Variants in SMARCAD1 observed in about 807,000 individuals in gnomAD.
The protein encoded by SMARCAD1 is SNF2 related chromatin remodeling ATPase with DExD box 1, also known as SWI/SNF-related matrix-associated actin-dependent regulator of chromatin subfamily A containing DEAD/H box 1.
A neutral mutation model predicts 127.1 loss-of-function variants in SMARCAD1; 25 were observed. That is an observed-to-expected ratio of 0.20 (90% CI 0.14 to 0.27). The LOEUF (loss-of-function observed/expected upper bound fraction) is 0.27, where lower values mean the gene tolerates loss of function less well. SMARCAD1 is among the 10% of genes least tolerant of loss of function. The pLI is 1.00. For synonymous variants in SMARCAD1, 400 were observed against 396.9 expected, an observed-to-expected ratio of 1.01 and a Z score of -0.09; for missense variants, 807 against 1,206.0, an observed-to-expected ratio of 0.67 and a Z score of 4.90.
In SMARCAD1 at chr4:94,285,766, GAA is replaced by G. The variant is rs766457237; in HGVS notation, c.3019+699_3019+700del. ...GAAGCTTGGGGAGGTGGGCGGTAGA[GAA>G]AGTTTGAGTAAGAAGCAACTGAGAT... On this transcript the variant is annotated intron_variant, in intron 23 of 23. Transcript: ENST00000354268. Among the ~76,000 whole-genome samples the G allele has an allele frequency of 3.5e-4, 53 of 152,174 alleles. 1 individual carries two copies. Among genetic ancestry groups the G allele is most frequent in the South Asian group, 1.2e-3 (6 of 4,832 alleles).
chr4:94,222,365 C>CT (rs1479608350), intron 2 of SMARCAD1, among the ~76,000 whole-genome samples: 1 of 152,024 alleles, frequency 6.6e-6, no homozygotes, highest in African/African-American at 2.4e-5. Context: ...TAAGGAAAAA[C>CT]TCTTTGGGAC....
intron 17 of SMARCAD1, 32 bp from the exon 18 acceptor site, chr4:94,278,584 A>G: frequency 6.2e-7 from 1 of 1,612,228 alleles, no homozygotes; most frequent in Non-Finnish European, 8.5e-7. Flanking sequence ...CTTTACTAGA[A>G]TGATTATCTT....
Position 94,240,969 on chromosome 4 carries a change from A to G in SMARCAD1, c.668A>G (p.Asn223Ser), listed in dbSNP as rs1747490440. 1 of 1,613,060 alleles carries G rather than the reference A, an allele frequency of 6.2e-7. No homozygotes were observed. The highest frequency in any genetic ancestry group is 1.1e-5 in the South Asian group (1 of 91,058). Residue 223 changes from asparagine to serine, a missense_variant, in exon 6 of 24, where the codon AAT becomes AGT. Around this residue, in one of 8 missense-constraint regions of SMARCAD1, gnomAD observed 48 missense variants for 90.8 expected, o/e 0.53. Transcript: ENST00000354268. ...GAGCCATATGAGGAAGATGAATTTA[A>G]TGATGATCAATCTATAAAAAAGACA... ...SSEPYEEDEFNDDQSIKKTRL... is the reference protein window; with the variant it reads ...SSEPYEEDEFSDDQSIKKTRL...
At chr4:94,225,164 T>C (rs1272269180) in intron 2 of SMARCAD1, among the ~76,000 whole-genome samples, 2 of 152,236 alleles carry the variant, frequency 1.3e-5, no homozygotes, top group Admixed American at 1.3e-4. Flanking sequence ...CCAATCATAC[T>C]AGTTTTCTAG....
chr4:94,250,311 ATT>A (rs1228771988), intron 7 of SMARCAD1, among the ~76,000 whole-genome samples: 1 of 152,006 alleles, frequency 6.6e-6, no homozygotes, highest in African/African-American at 2.4e-5. Context: ...ACTTGCACTG[ATT>A]TATTTGAGTA....
chr4:94,223,734 A>ATTTTTTTTTTTTTT (rs944591007), intron 2 of SMARCAD1, among the ~76,000 whole-genome samples: 2 of 100,156 alleles, frequency 2.0e-5, no homozygotes, highest in African/African-American at 7.4e-5. Flanking sequence ...CTCCCGGCTA[A>ATTTTTTTTTTTTTT]TTTTTTTTTT....
At chr4:94,246,648 T>C (rs543891334) in intron 6 of SMARCAD1, among the ~76,000 whole-genome samples, 10 of 152,308 alleles carry the variant, frequency 6.6e-5, no homozygotes, top group Admixed American at 6.5e-5. Context: ...CACCCTGATA[T>C]GTGGCATGTA....
At chr4:94,250,261 A>G (rs1749089366) in intron 7 of SMARCAD1, among the ~76,000 whole-genome samples, 1 of 151,966 alleles carries the variant, frequency 6.6e-6, no homozygotes, top group South Asian at 2.1e-4. Context: ...ATGATCATAT[A>G]TAGAAGCACA....
chr4:94,252,383 A>G (rs572995889), intron 8 of SMARCAD1, among the ~76,000 whole-genome samples: 2 of 152,338 alleles, frequency 1.3e-5, no homozygotes, highest in Non-Finnish European at 2.9e-5. Context: ...GTTAGAAAAC[A>G]GAGATTTATA....
At position 94,270,801 on chromosome 4, in the gene SMARCAD1, A is replaced by G. The variant is rs780585922; in HGVS notation, c.1555A>G (p.Ile519Val). Residue 519 changes from isoleucine to valine, a missense_variant, in exon 11 of 24, where the codon ATT becomes GTT. By Grantham distance (29) the Ile-to-Val change is conservative. Around this residue, in one of 8 missense-constraint regions of SMARCAD1, gnomAD observed 148 missense variants for 313.2 expected, o/e 0.47. Coordinates refer to ENST00000354268, the MANE Select transcript of SMARCAD1 (RefSeq NM_020159.5). ...GGTACATAAACATGGACTTAATGGC[A>G]TTTTGGCAGATGAAATGGTAAGTGT... Reference protein sequence around the residue: ...ALVHKHGLNGILADEMGLGKT... With the variant: ...ALVHKHGLNGVLADEMGLGKT... 1 of 1,613,388 alleles carries G rather than the reference A, an allele frequency of 6.2e-7. No individual in the cohort carries two copies. The highest frequency in any genetic ancestry group is 8.5e-7 in the Non-Finnish European group (1 of 1,179,476).
intron 3 of SMARCAD1, among the ~76,000 whole-genome samples, chr4:94,233,309 G>T (rs1375393956): frequency 1.3e-5 from 2 of 152,136 alleles, no homozygotes; most frequent in African/African-American, 2.4e-5. Context: ...TTCAAAATGA[G>T]ATTTTTTTGT....
chr4:94,286,042 C>G (rs923630574), intron 23 of SMARCAD1, among the ~76,000 whole-genome samples: 1 of 152,102 alleles, frequency 6.6e-6, no homozygotes, highest in Admixed American at 6.5e-5. Context: ...GGATTTTATT[C>G]TAACAAGTTT....
chr4:94,208,492 C>G lies in SMARCAD1; in HGVS notation c.98C>G (p.Ser33Cys). Reference sequence around the variant, plus strand: ...CCTCAACCTTCCCAGCCTGGCCCTTCTTCACCAATTTCTCTTAGTGCTGAA... The same window carrying G: ...CCTCAACCTTCCCAGCCTGGCCCTTGTTCACCAATTTCTCTTAGTGCTGAA... ...ATPQPSQPGP[S>C]SPISLSAEEE... Residue 33 changes from serine to cysteine, a missense_variant, in exon 2 of 24, where the codon TCT (serine) becomes TGT (cysteine). This residue lies in a region of SMARCAD1 where 175 missense variants were observed against 169.5 expected (regional missense o/e 1.03). Coordinates refer to ENST00000354268, the MANE Select transcript of SMARCAD1 (RefSeq NM_020159.5). The G allele has an allele frequency of 6.2e-7, 1 of 1,614,124 alleles. No homozygotes were observed.
At chr4:94,257,984 C>A (rs1333529428) in intron 9 of SMARCAD1, among the ~76,000 whole-genome samples, 1 of 151,930 alleles carries the variant, frequency 6.6e-6, no homozygotes, top group Non-Finnish European at 1.5e-5. Flanking sequence ...TATGACTATG[C>A]AAATGCCTTT....
chr4:94,265,043 A>G (rs966291588), intron 10 of SMARCAD1, 137 bp downstream of exon 10: 6 of 744,642 alleles, frequency 8.1e-6, no homozygotes, highest in Admixed American at 2.4e-5. Flanking sequence ...GTAATGGCAC[A>G]TAAGTGGACT....
At chr4:94,226,843 T>A (rs1234330626) in intron 3 of SMARCAD1, among the ~76,000 whole-genome samples, 6 of 151,254 alleles carry the variant, frequency 4.0e-5, no homozygotes, top group Non-Finnish European at 1.5e-5. Context: ...GAATAGGGAG[T>A]TAGGGTCAGG....
rs906127464 is a variant in SMARCAD1 at position 94,289,910 on chromosome 4, A to G, written c.*376A>G. The G allele has an allele frequency of 1.5e-5, 7 of 455,434 alleles. No homozygotes were observed. Among genetic ancestry groups the G allele is most frequent in the South Asian group, 7.9e-5 (5 of 63,610 alleles). The allele number at this position is 455,434 out of a possible 1,614,324, so 28.2% of individuals were successfully genotyped here. A position where few individuals can be genotyped will look rare whatever the true frequency, so the allele number is the denominator to read the frequency against. ...TTGTCTTTCACTGGATAATGTGTGT[A>G]GATTTTTACATGTGCCTTATTTGAC... On this transcript the variant is annotated 3_prime_UTR_variant, in exon 24 of 24. Coordinates refer to ENST00000354268, the MANE Select transcript of SMARCAD1 (RefSeq NM_020159.5).
intron 22 of SMARCAD1, among the ~76,000 whole-genome samples, chr4:94,284,509 A>C (rs936234863): frequency 5.3e-5 from 8 of 150,494 alleles, no homozygotes; most frequent in Non-Finnish European, 8.9e-5. Flanking sequence ...AGCAATTCCC[A>C]TGCCTTAGCC....
At chr4:94,234,813 A>G (rs57274622) in intron 4 of SMARCAD1, among the ~76,000 whole-genome samples, 2,679 of 152,256 alleles carry the variant, frequency 0.018, 78 homozygotes, top group African/African-American at 0.062. Context: ...CGCTGCTACC[A>G]CTACCAGTTC....
Sources: gnomAD v4.1 joint callset for allele counts (sites outside exome capture counted in the v4.1 genomes callset) on GRCh38, gnomAD v4.1.1 for gene constraint, gnomAD v4.1.1 regional missense constraint, MANE v1.5 for transcripts, NCBI Gene and HGNC (gene_info 2026-07-23, HGNC 2026-07-21) for gene names.